The following UNC13C variants were observed in gnomAD, a reference collection of about 807,000 sequenced individuals.
UNC13C encodes the protein unc-13 homolog C.
UNC13C carries 174 observed loss-of-function variants against 245.4 expected under a neutral mutation model. The observed-to-expected ratio is 0.71, with a 90% confidence interval of 0.63 to 0.80. The LOEUF (loss-of-function observed/expected upper bound fraction) is 0.80. Ranked by LOEUF, UNC13C falls within the 30% of genes least tolerant of loss-of-function variation. The pLI, the probability that UNC13C is intolerant of heterozygous loss-of-function variation, is 0.00. For synonymous variants in UNC13C, 992 were observed against 895.1 expected (o/e 1.11, Z -1.93); for missense variants, 2,829 against 2,602.9 (o/e 1.09, Z -1.89).
At chr15:54,256,308 G>A (rs2036278169) in intron 8 of UNC13C, among the ~76,000 whole-genome samples, 1 of 152,298 alleles carries the variant, frequency 6.6e-6, no homozygotes, top group African/African-American at 2.4e-5. Flanking sequence ...GGTGTACTCT[G>A]GATGGGGTGT....
chr15:54,349,226 A>C (rs1228644244), intron 17 of UNC13C, among the ~76,000 whole-genome samples: 1 of 151,146 alleles, frequency 6.6e-6, no homozygotes, highest in African/African-American at 2.4e-5. Context: ...ATAAAATTTT[A>C]CTTGTAACAA....
chr15:54,628,903 AC>A (rs1365929559), downstream of UNC13C: 2 of 152,040 alleles, frequency 1.3e-5, no homozygotes, highest in African/African-American at 4.8e-5. Flanking sequence ...AAACAGAATT[AC>A]CATTCGACTA....
chr15:53,844,582 A>G, the UNC13C span, among the ~76,000 whole-genome samples: 19 of 152,260 alleles, frequency 1.2e-4, no homozygotes, highest in African/African-American at 4.3e-4. Context: ...GAGCTTTAGC[A>G]TTCTTGACGA....
chr15:54,064,999 C>T (rs1898010640), intron 2 of UNC13C, among the ~76,000 whole-genome samples: 1 of 152,124 alleles, frequency 6.6e-6, no homozygotes, highest in African/African-American at 2.4e-5. Flanking sequence ...AGAAAACTTC[C>T]TATGTTTAAG....
chr15:53,965,686 A>G, the UNC13C span, among the ~76,000 whole-genome samples: 1 of 151,956 alleles, frequency 6.6e-6, no homozygotes, highest in Non-Finnish European at 1.5e-5. Context: ...ATCTAGCATT[A>G]GGTATATCTC....
chr15:54,115,281 G>A (rs1389995588), intron 2 of UNC13C, among the ~76,000 whole-genome samples: 1 of 151,988 alleles, frequency 6.6e-6, no homozygotes, highest in African/African-American at 2.4e-5. Context: ...AAATGTATTT[G>A]GGTATATGCT....
At position 54,325,501 on chromosome 15, in the gene UNC13C, G is replaced by A. The variant is rs746144182; in HGVS notation, c.4425+3406G>A. 1.7e-4 allele frequency among the ~76,000 whole-genome samples: 26 copies of A among 151,968 alleles called. 1 individual carries two copies. The highest frequency in any genetic ancestry group is 1.1e-3 in the Admixed American group (17 of 15,252). ...AGGTATACTTGTGCCATGTTGGTTT[G>A]CTGCACCCGCCAACTCATCATTTAC... On this transcript the variant is annotated intron_variant, in intron 14 of 32. Coordinates refer to ENST00000260323, the MANE Select transcript of UNC13C (RefSeq NM_001080534.3).
intron 22 of UNC13C, among the ~76,000 whole-genome samples, chr15:54,502,882 T>C (rs1270269223): frequency 5.3e-5 from 8 of 152,122 alleles, no homozygotes; most frequent in African/African-American, 1.2e-4. Context: ...GAATGCTGAA[T>C]TGAGATTCCT....
chr15:54,096,740 C>A (rs547060862), intron 2 of UNC13C, among the ~76,000 whole-genome samples: 1 of 152,120 alleles, frequency 6.6e-6, no homozygotes, highest in African/African-American at 2.4e-5. Flanking sequence ...CCTCCTTTAA[C>A]TATACGGTAG....
the UNC13C span, among the ~76,000 whole-genome samples, chr15:53,846,902 G>T: frequency 6.6e-6 from 1 of 152,272 alleles, no homozygotes; most frequent in South Asian, 2.1e-4. Flanking sequence ...GGAGAGCAAA[G>T]CTCCGTGACT....
intron 17 of UNC13C, among the ~76,000 whole-genome samples, chr15:54,363,196 C>T (rs2039276543): frequency 6.6e-6 from 1 of 152,206 alleles, no homozygotes; most frequent in Non-Finnish European, 1.5e-5. Context: ...GCAACCTCTG[C>T]CTCCTGGGTT....
chr15:54,178,531 A>G (rs1291226266), intron 4 of UNC13C, among the ~76,000 whole-genome samples: 1 of 152,176 alleles, frequency 6.6e-6, no homozygotes, highest in East Asian at 1.9e-4. Flanking sequence ...TCCTAGAAAC[A>G]GCTGTGGAAA....
the UNC13C span, among the ~76,000 whole-genome samples, chr15:53,869,167 C>A: frequency 6.6e-6 from 1 of 151,906 alleles, no homozygotes; most frequent in Non-Finnish European, 1.5e-5. Flanking sequence ...AGAGATAGAC[C>A]CTGGATCATG....
intron 17 of UNC13C, among the ~76,000 whole-genome samples, chr15:54,364,029 C>A (rs1458594208): frequency 6.6e-6 from 1 of 152,056 alleles, no homozygotes; most frequent in Non-Finnish European, 1.5e-5. Context: ...TACATCAATT[C>A]AGTACAGGCA....
chr15:54,304,666 A>AG (rs1195291148), intron 13 of UNC13C, among the ~76,000 whole-genome samples: 1 of 151,496 alleles, frequency 6.6e-6, no homozygotes, highest in African/African-American at 2.4e-5. Flanking sequence ...AAAAAAAAAA[A>AG]AAAAAACCCT....
At chr15:53,856,096 T>G in the UNC13C span, among the ~76,000 whole-genome samples, 2 of 152,312 alleles carry the variant, frequency 1.3e-5, no homozygotes, top group East Asian at 3.8e-4. Context: ...TATAGTGTTC[T>G]CTGATGATTG....
At chr15:54,372,567 T>C (rs760407175) in intron 17 of UNC13C, among the ~76,000 whole-genome samples, 1 of 152,238 alleles carries the variant, frequency 6.6e-6, no homozygotes, top group Admixed American at 6.5e-5. Context: ...ATGTAAATAT[T>C]TATATACTTT....
intron 7 of UNC13C, among the ~76,000 whole-genome samples, chr15:54,249,429 C>T (rs951956975): frequency 2.6e-5 from 4 of 152,078 alleles, no homozygotes; most frequent in East Asian, 1.9e-4. Context: ...AGTGGCAGAA[C>T]GTTTATTCAT....
rs368592709 is a variant in UNC13C, at chr15:54,507,191, T to A, written c.5376T>A (p.Asn1792Lys). ...SDFSSHCDKE[N>K]VPCILMNNIQ... ...TCAGTTCACATTGTGATAAGGAAAA[T>A]GTGGTAAGTAAAAAATGTCTCTACT... Residue 1792 changes from asparagine (N) to lysine (K), a missense_variant, in exon 23 of 33, where the codon AAT (asparagine) becomes AAA (lysine). By Grantham distance (94) the Asn-to-Lys change is moderately conservative (BLOSUM62 0). Coordinates refer to ENST00000260323, the MANE Select transcript of UNC13C (RefSeq NM_001080534.3). The A allele has an allele frequency of 6.3e-7, 1 of 1,581,284 alleles. No homozygotes were observed. Among genetic ancestry groups the A allele is most frequent in the African/African-American group, 1.3e-5 (1 of 74,554 alleles).
Sources: gnomAD v4.1 joint callset for allele counts (sites outside exome capture counted in the v4.1 genomes callset) on GRCh38, gnomAD v4.1.1 for gene constraint, MANE v1.5 for transcripts, NCBI Gene and HGNC (gene_info 2026-07-23, HGNC 2026-07-21) for gene names.